SNTG1: variants seen among roughly 807,000 people sequenced by gnomAD.
SNTG1 encodes gamma-1-syntrophin.
SNTG1 carries 39 observed loss-of-function variants against 74.7 expected under a neutral mutation model. The observed-to-expected ratio is 0.52, with a 90% confidence interval of 0.40 to 0.68. The LOEUF is 0.68. Ranked by LOEUF, SNTG1 falls within the 30% of genes least tolerant of loss-of-function variation. The pLI is 0.00. For missense variants in SNTG1, 685 were observed against 609.5 expected, an observed-to-expected ratio of 1.12 and a Z score of -1.30; for synonymous variants, 254 against 217.1, an observed-to-expected ratio of 1.17 and a Z score of -1.49.
chr8:50,705,188 C>G (rs1026634736), intron 16 of SNTG1, among the ~76,000 whole-genome samples: 5 of 152,252 alleles, frequency 3.3e-5, no homozygotes, highest in Middle Eastern at 3.4e-3. Context: ...GACTTTTTAT[C>G]AAAGGTCATA....
chr8:50,553,976 C>T (rs533202469), intron 12 of SNTG1, among the ~76,000 whole-genome samples: 2 of 152,192 alleles, frequency 1.3e-5, no homozygotes, highest in Middle Eastern at 3.4e-3. Flanking sequence ...TTTCAGAAGT[C>T]CTAAGGGAGA....
intron 1 of SNTG1, among the ~76,000 whole-genome samples, chr8:49,981,154 C>T (rs941056854): frequency 1.3e-5 from 2 of 152,028 alleles, no homozygotes; most frequent in African/African-American, 4.8e-5. Context: ...GAAGGAAAGC[C>T]ATGTGAGTTA....
intron 1 of SNTG1, among the ~76,000 whole-genome samples, chr8:49,952,505 G>A (rs1585637381): frequency 6.6e-6 from 1 of 152,212 alleles, no homozygotes; most frequent in Non-Finnish European, 1.5e-5. Context: ...TGCTGTGGCT[G>A]GAGCTCAGGA....
intron 12 of SNTG1, among the ~76,000 whole-genome samples, chr8:50,568,393 G>A (rs921260740): frequency 7.9e-5 from 12 of 152,004 alleles, no homozygotes; most frequent in Non-Finnish European, 1.8e-4. Context: ...TGGTAGTTCT[G>A]TTTTTACTTT....
rs115344839 is a variant in SNTG1, at chr8:50,377,773, T to C, written c.-27-16439T>C. Among the ~76,000 whole-genome samples the C allele has an allele frequency of 5.6e-3, 851 of 152,328 alleles. 12 individuals are homozygous for C. Among genetic ancestry groups the C allele is most frequent in the African/African-American group, 0.02 (816 of 41,574 alleles). ...TTAGACATTTGAAGCCCACATAAAA[T>C]ATCAAAATGTCCATGAGACTGCAGT... On this transcript the variant is annotated intron_variant, in intron 2 of 18. Coordinates refer to ENST00000642720, the MANE Select transcript of SNTG1 (RefSeq NM_018967.5).
chr8:50,438,481 A>T, intron 4 of SNTG1, 62 bp from the exon 5 acceptor site: 1 of 1,462,788 alleles, frequency 6.8e-7, no homozygotes, highest in Non-Finnish European at 9.5e-7. Flanking sequence ...AAAACAACAA[A>T]AAATGGTGTG....
rs189682213 is a variant in SNTG1 at position 50,709,003 on chromosome 8, G to T, written c.1284+25G>T. On this transcript the variant is annotated intron_variant, in intron 17 of 18. Transcript: ENST00000642720. Reference sequence around the variant, plus strand: ...GGTAATGTGTTCAGGTCAGCTCTGAGAAATATGCTGCAAACATTCTAATTG... The same window carrying T: ...GGTAATGTGTTCAGGTCAGCTCTGATAAATATGCTGCAAACATTCTAATTG... The T allele has an allele frequency of 5.5e-4, 828 of 1,508,218 alleles. 4 individuals carry two copies. The African/African-American group carries it at 0.01, about 18-fold the overall frequency. The allele number at this position is 1,508,218 out of a possible 1,614,324, so 93.4% of individuals were successfully genotyped here. A position where few individuals can be genotyped will look rare whatever the true frequency, so the allele number is the denominator to read the frequency against.
At chr8:50,272,801 A>G (rs1317033230) in intron 2 of SNTG1, among the ~76,000 whole-genome samples, 1 of 151,870 alleles carries the variant, frequency 6.6e-6, no homozygotes, top group African/African-American at 2.4e-5. Context: ...CAGTGGCACA[A>G]TCATAGCTCA....
intron 1 of SNTG1, among the ~76,000 whole-genome samples, chr8:50,076,134 G>A (rs1265970667): frequency 6.6e-6 from 1 of 152,172 alleles, no homozygotes; most frequent in Non-Finnish European, 1.5e-5. Context: ...GTGGAAGCTT[G>A]ATGGATAGAG....
At chr8:50,141,416 T>C (rs1286783044) in intron 1 of SNTG1, among the ~76,000 whole-genome samples, 2 of 152,210 alleles carry the variant, frequency 1.3e-5, no homozygotes, top group Admixed American at 1.3e-4. Flanking sequence ...TTGTTCCACA[T>C]CTTGGGTTTA....
chr8:50,781,221 C>T (rs1002620112), intron 18 of SNTG1, among the ~76,000 whole-genome samples: 3 of 152,058 alleles, frequency 2.0e-5, no homozygotes, highest in Admixed American at 1.3e-4. Flanking sequence ...CTATTAAGTC[C>T]ACTTGGTGCA....
At chr8:50,088,291 C>G (rs1315143187) in intron 1 of SNTG1, among the ~76,000 whole-genome samples, 2 of 147,838 alleles carry the variant, frequency 1.4e-5, no homozygotes, top group Non-Finnish European at 3.0e-5. Context: ...AACCCACAGC[C>G]AATATCATAC....
chr8:49,915,360 C>T (rs909042795), intron 1 of SNTG1, among the ~76,000 whole-genome samples: 10 of 151,704 alleles, frequency 6.6e-5, no homozygotes, highest in African/African-American at 2.4e-4. Flanking sequence ...ATTCATTCGT[C>T]AAAAAAAATC....
intron 1 of SNTG1, among the ~76,000 whole-genome samples, chr8:49,963,535 A>G (rs1011342765): frequency 1.3e-5 from 2 of 152,182 alleles, no homozygotes; most frequent in Non-Finnish European, 2.9e-5. Context: ...TCTCCAATAA[A>G]TTAGAAGTCA....
intron 17 of SNTG1, among the ~76,000 whole-genome samples, chr8:50,741,390 G>A (rs78833696): frequency 0.045 from 6,884 of 152,008 alleles, 260 homozygotes; most frequent in African/African-American, 0.1. Context: ...CCCAAGTGTT[G>A]GGATTACAGG....
chr8:50,741,956 A>C (rs1229808784), intron 17 of SNTG1, among the ~76,000 whole-genome samples: 2 of 152,006 alleles, frequency 1.3e-5, no homozygotes, highest in Non-Finnish European at 2.9e-5. Flanking sequence ...GTTATTACAC[A>C]TTTGTTAAAA....
At chr8:50,348,659 A>T (rs987547799) in intron 2 of SNTG1, among the ~76,000 whole-genome samples, 1 of 152,192 alleles carries the variant, frequency 6.6e-6, no homozygotes, top group Non-Finnish European at 1.5e-5. Context: ...TAAAACTAAT[A>T]AAGATGACTA....
chr8:50,786,620 T>C (rs1563838999), intron 18 of SNTG1, among the ~76,000 whole-genome samples: 1 of 151,936 alleles, frequency 6.6e-6, no homozygotes, highest in Non-Finnish European at 1.5e-5. Context: ...TCACCATGGC[T>C]TTGTGGTATT....
Position 49,935,428 on chromosome 8 carries a change from C to T in SNTG1, c.-103+23197C>T, listed in dbSNP as rs547427573. ...TTTTTTGGTGTCAAGCACAGGCCTT[C>T]AATGACTGCAGAGATGCTTAGGAAG... On this transcript the variant is annotated intron_variant, in intron 1 of 18. Transcript: ENST00000642720. Among the ~76,000 whole-genome samples the T allele has an allele frequency of 8.6e-5, 11 of 128,210 alleles. No individual in the cohort carries two copies. In the East Asian group the frequency reaches 1.6e-3, roughly 18 times the overall value. The allele number at this position is 128,210 out of a possible 152,430, so 84.1% of individuals were successfully genotyped here.
Sources: allele counts gnomAD v4.1 joint callset (sites outside exome capture counted in the v4.1 genomes callset), GRCh38; gene constraint gnomAD v4.1.1; transcripts MANE v1.5; gene names NCBI Gene and HGNC (gene_info 2026-07-23, HGNC 2026-07-21).